The following ANKRD42 variants were observed in gnomAD, a reference collection of about 807,000 sequenced individuals.
ANKRD42 encodes the protein ankyrin repeat domain 42.
ANKRD42 carries 43 observed loss-of-function variants against 51.5 expected under a neutral mutation model. The ratio of observed to expected loss-of-function variants is 0.83; its 90% CI spans 0.65 to 1.08. ANKRD42 has a LOEUF of 1.08. Ranked by LOEUF, ANKRD42 falls within the 50% of genes least tolerant of loss-of-function variation. ANKRD42 has a pLI of 0.00. For synonymous variants in ANKRD42, 203 were observed against 213.0 expected (o/e 0.95, Z 0.41); for missense variants, 608 against 629.3 (o/e 0.97, Z 0.36).
chr11:83,222,090 A>G (rs1488736246), intron 5 of ANKRD42, among the ~76,000 whole-genome samples: 3 of 152,196 alleles, frequency 2.0e-5, no homozygotes, highest in African/African-American at 4.8e-5. Flanking sequence ...ATGGAAGTCC[A>G]ATTCTCTTAC....
At chr11:83,195,022 C>T (rs1291894998) in intron 1 of ANKRD42, among the ~76,000 whole-genome samples, 1 of 152,188 alleles carries the variant, frequency 6.6e-6, no homozygotes, top group Admixed American at 6.5e-5. Context: ...CCTTGACTTC[C>T]CTGCAGCATT....
At chr11:83,210,475 T>A in intron 4 of ANKRD42, 56 bp downstream of exon 4, 9 of 1,584,936 alleles carry the variant, frequency 5.7e-6, no homozygotes, top group Non-Finnish European at 7.8e-6. Flanking sequence ...GGAATAGCAT[T>A]TGGTAGTCTA....
At chr11:83,259,662 T>G (rs956037125), downstream of ANKRD42, 1 of 152,194 alleles carries the variant, frequency 6.6e-6, no homozygotes, top group African/African-American at 2.4e-5. Flanking sequence ...TGGAGAAGTT[T>G]TTTTTTAGGA....
At chr11:83,238,197 C>T (rs148934058) in intron 8 of ANKRD42, among the ~76,000 whole-genome samples, 7 of 152,278 alleles carry the variant, frequency 4.6e-5, no homozygotes, top group African/African-American at 1.7e-4. Flanking sequence ...CGATTATCCA[C>T]TCACAGGTTG....
At chr11:83,214,016 G>C (rs533774209) in intron 5 of ANKRD42, 1 of 152,402 alleles carries the variant, frequency 6.6e-6, no homozygotes, top group East Asian at 1.9e-4. Context: ...TCAGCCTCCC[G>C]AGTAGCTGGG....
intron 5 of ANKRD42, among the ~76,000 whole-genome samples, chr11:83,223,459 G>A (rs1486951242): frequency 1.3e-5 from 2 of 152,130 alleles, no homozygotes; most frequent in Non-Finnish European, 2.9e-5. Context: ...AGTAAAATTT[G>A]TTGATGGATT....
chr11:83,210,092 G>A (rs752928577), intron 3 of ANKRD42: 33 of 454,704 alleles, frequency 7.3e-5, no homozygotes, highest in Middle Eastern at 6.0e-4. Flanking sequence ...TGATTAGAGA[G>A]GAAGTTTTTG....
downstream of ANKRD42, among the ~76,000 whole-genome samples, chr11:83,258,346 C>CA (rs1045875116): frequency 9.4e-4 from 135 of 143,408 alleles, no homozygotes; most frequent in Middle Eastern, 7.0e-3. Flanking sequence ...GTTAATGAAA[C>CA]AAAAAAAAAA....
intron 5 of ANKRD42, among the ~76,000 whole-genome samples, chr11:83,220,394 C>T (rs991699925): frequency 4.6e-5 from 7 of 152,116 alleles, no homozygotes; most frequent in South Asian, 4.2e-4. Flanking sequence ...GAAAGAGGTC[C>T]GATTGTATTC....
intron 9 of ANKRD42, among the ~76,000 whole-genome samples, chr11:83,242,938 G>A (rs1863438301): frequency 6.6e-6 from 1 of 152,150 alleles, no homozygotes; most frequent in Non-Finnish European, 1.5e-5. Flanking sequence ...TGTGAATAGT[G>A]CTGCGATGAA....
intron 8 of ANKRD42, among the ~76,000 whole-genome samples, chr11:83,237,777 G>A (rs983871230): frequency 9.2e-5 from 14 of 152,154 alleles, no homozygotes; most frequent in Non-Finnish European, 1.5e-5. Flanking sequence ...CGGTACAACT[G>A]ATGAGTTTTG....
chr11:83,216,377 G>A (rs1361512043), intron 5 of ANKRD42, among the ~76,000 whole-genome samples: 1 of 150,902 alleles, frequency 6.6e-6, no homozygotes, highest in Non-Finnish European at 1.5e-5. Context: ...AGGCTGGAGT[G>A]CAGTGGCGCA....
chr11:83,199,108 G>T lies in ANKRD42; in HGVS notation c.222+466G>T, dbSNP rs150517361. Among the ~76,000 whole-genome samples, 26 of 152,290 alleles carry T rather than the reference G, an allele frequency of 1.7e-4. 1 individual carries two copies. The highest frequency in any genetic ancestry group is 5.1e-4 in the African/African-American group (21 of 41,562). On this transcript the variant is annotated intron_variant, in intron 2 of 10. Coordinates refer to ENST00000533342, the MANE Select transcript of ANKRD42 (RefSeq NM_001300975.2). ...TATGGTGACTGGGTTCCAAAGGTGA[G>T]CATAGAGGATTACTTGGAGTGGATA...
intron 5 of ANKRD42, among the ~76,000 whole-genome samples, chr11:83,215,434 A>G (rs895174010): frequency 6.6e-6 from 1 of 152,146 alleles, no homozygotes; most frequent in South Asian, 2.1e-4. Context: ...AGTTAAGTCC[A>G]TCTACATTCA....
intron 2 of ANKRD42, among the ~76,000 whole-genome samples, chr11:83,205,739 A>T (rs148151045): frequency 2.0e-4 from 30 of 152,354 alleles, no homozygotes; most frequent in African/African-American, 6.0e-4. Flanking sequence ...CCTGCACAGT[A>T]TTGGTCAAAC....
rs941123415 is a variant in ANKRD42 at position 83,247,988 on chromosome 11, T to C, written c.1368T>C (p.Arg456=). ...LQGQLEYERL[R]REKLECQLDE... ...GCCAGCTGGAGTATGAACGACTACGTAGAGAAAAATTAGAATGTCAGCTTG... is the reference window on the plus strand; with the variant it reads ...GCCAGCTGGAGTATGAACGACTACGCAGAGAAAAATTAGAATGTCAGCTTG... The change falls in exon 11 of 11, where the codon CGT becomes CGC. Residue 456 remains arginine, a synonymous_variant. Transcript: ENST00000533342. 3 of 1,613,800 alleles carry C rather than the reference T, an allele frequency of 1.9e-6. No homozygotes were observed. The highest frequency in any genetic ancestry group is 2.7e-5 in the African/African-American group (2 of 74,894).
chr11:83,237,538 A>G (rs1863259986), intron 8 of ANKRD42, among the ~76,000 whole-genome samples: 1 of 152,200 alleles, frequency 6.6e-6, no homozygotes, highest in Non-Finnish European at 1.5e-5. Flanking sequence ...ACAATGGCAG[A>G]TGAGTCTTGA....
At chr11:83,224,575 T>C (rs530259534) in intron 5 of ANKRD42, among the ~76,000 whole-genome samples, 20 of 152,338 alleles carry the variant, frequency 1.3e-4, no homozygotes, top group African/African-American at 2.4e-5. Context: ...CTATAAGGAA[T>C]AGAGCTAATG....
intron 7 of ANKRD42, among the ~76,000 whole-genome samples, chr11:83,230,441 C>G (rs910678465): frequency 7.2e-5 from 11 of 152,166 alleles, no homozygotes; most frequent in African/African-American, 2.7e-4. Flanking sequence ...AACCATCCTA[C>G]TCTTTGTGTC....
Sources: allele counts gnomAD v4.1 joint callset (sites outside exome capture counted in the v4.1 genomes callset), GRCh38; gene constraint gnomAD v4.1.1; transcripts MANE v1.5; gene names NCBI Gene and HGNC (gene_info 2026-07-23, HGNC 2026-07-21).